The following XPR1 variants were observed in gnomAD, a reference collection of about 807,000 sequenced individuals.
The protein encoded by XPR1 is solute carrier family 53 member 1.
Under a neutral mutation model 87.5 loss-of-function variants are expected in XPR1, and 28 were observed. The observed-to-expected ratio is 0.32, with a 90% CI of 0.24 to 0.44. The LOEUF (loss-of-function observed/expected upper bound fraction) is 0.44. Ranked by LOEUF, XPR1 falls within the 20% of genes least tolerant of loss-of-function variation. The pLI is 1.00. For synonymous variants in XPR1, 300 were observed against 306.1 expected (o/e 0.98, Z 0.21); for missense variants, 559 against 862.3 (o/e 0.65, Z 4.41).
chr1:180,632,156 G>C lies in XPR1; in HGVS notation c.-46G>C. ...AGTCGGAGTCGCTGTTGCCGCCGCC[G>C]CCTGTAGCTGCTGGACCCGAGTGGG... is the stretch of plus-strand genomic sequence containing the variant. On this transcript the variant is annotated 5_prime_UTR_variant, in exon 1 of 15. Coordinates refer to ENST00000367590, the MANE Select transcript of XPR1 (RefSeq NM_004736.4). 4.4e-6 allele frequency: 7 copies of C among 1,580,268 alleles called. No individual in the cohort carries two copies. The highest frequency in any genetic ancestry group is 6.0e-6 in the Non-Finnish European group (7 of 1,163,764).
chr1:180,676,909 G>C (rs1473693373), intron 1 of XPR1, among the ~76,000 whole-genome samples: 1 of 152,182 alleles, frequency 6.6e-6, no homozygotes, highest in African/African-American at 2.4e-5. Flanking sequence ...TTCCCATAAG[G>C]TTAATCTGTG....
chr1:180,693,143 G>T (rs1250226920), intron 2 of XPR1, among the ~76,000 whole-genome samples: 1 of 152,194 alleles, frequency 6.6e-6, no homozygotes, highest in Admixed American at 6.5e-5. Context: ...ACCAGCAGAT[G>T]AATCTGATGA....
intron 1 of XPR1, among the ~76,000 whole-genome samples, chr1:180,675,809 G>A (rs1189315310): frequency 2.0e-5 from 3 of 152,132 alleles, no homozygotes; most frequent in Non-Finnish European, 2.9e-5. Flanking sequence ...CAGTCCATAG[G>A]TAATAATATA....
chr1:180,795,647 T>G (rs1649541818), intron 3 of XPR1, among the ~76,000 whole-genome samples: 1 of 152,142 alleles, frequency 6.6e-6, no homozygotes, highest in Non-Finnish European at 1.5e-5. Context: ...CCTAGAAGCA[T>G]CATGAAAGTA....
intron 1 of XPR1, among the ~76,000 whole-genome samples, chr1:180,676,335 A>G (rs1656368861): frequency 1.3e-5 from 2 of 152,178 alleles, no homozygotes; most frequent in Non-Finnish European, 2.9e-5. Flanking sequence ...ACACATTCCT[A>G]CTATACCCAA....
At chr1:180,819,321 A>G (rs1259640420) in intron 7 of XPR1, among the ~76,000 whole-genome samples, 1 of 152,206 alleles carries the variant, frequency 6.6e-6, no homozygotes, top group Non-Finnish European at 1.5e-5. Flanking sequence ...TCAGAAGAAT[A>G]TATCTTTAGC....
At chr1:180,881,264 C>T (rs1030474314) in intron 14 of XPR1, among the ~76,000 whole-genome samples, 4 of 151,924 alleles carry the variant, frequency 2.6e-5, no homozygotes, top group Non-Finnish European at 4.4e-5. Flanking sequence ...CCTGGGTTCA[C>T]GCCATTCTCC....
intron 2 of XPR1, among the ~76,000 whole-genome samples, chr1:180,708,990 T>C (rs1401622770): frequency 2.7e-5 from 4 of 149,128 alleles, no homozygotes; most frequent in Non-Finnish European, 5.9e-5. Context: ...TGGCTCACTG[T>C]AACCTCCATC....
intron 2 of XPR1, among the ~76,000 whole-genome samples, chr1:180,771,698 C>G (rs1399180158): frequency 6.6e-6 from 1 of 152,134 alleles, no homozygotes; most frequent in African/African-American, 2.4e-5. Context: ...AAGTTTATTT[C>G]TGCCTGATGT....
chr1:180,671,435 G>T (rs914779884), intron 1 of XPR1, among the ~76,000 whole-genome samples: 13 of 152,164 alleles, frequency 8.5e-5, no homozygotes, highest in Admixed American at 5.2e-4. Flanking sequence ...TGGAAAGAAA[G>T]AAAACGTAAT....
chr1:180,746,017 A>G (rs72723010), intron 2 of XPR1, among the ~76,000 whole-genome samples: 8,110 of 152,312 alleles, frequency 0.053, 314 homozygotes, highest in Non-Finnish European at 0.078. Context: ...TCACAGAGGT[A>G]AAACCAAGGC....
At chr1:180,818,807 C>G (rs73042709) in intron 7 of XPR1, among the ~76,000 whole-genome samples, 2,555 of 152,224 alleles carry the variant, frequency 0.017, 80 homozygotes, top group African/African-American at 0.056. Flanking sequence ...AAGTTTGCTT[C>G]AGGGAGATCA....
intron 10 of XPR1, among the ~76,000 whole-genome samples, chr1:180,835,806 TGTG>T: frequency 6.6e-6 from 1 of 152,326 alleles, no homozygotes; most frequent in Admixed American, 6.5e-5. Context: ...TGTCTTGTGT[TGTG>T]GTGGTTTGGA....
intron 9 of XPR1, 122 bp downstream of exon 9, chr1:180,825,466 T>C (rs1650795822): frequency 9.7e-7 from 1 of 1,033,762 alleles, no homozygotes; most frequent in African/African-American, 1.6e-5. Flanking sequence ...TTATAGTTTA[T>C]GTGAGTGGAG....
rs539993861 is a variant in XPR1, at chr1:180,671,880, G to A, written c.70-10480G>A. On this transcript the variant is annotated intron_variant, in intron 1 of 14. Coordinates refer to ENST00000367590, the MANE Select transcript of XPR1 (RefSeq NM_004736.4). ...TGGGATTACAGGTGTGAGCCACCGC[G>A]TCTAGCCAATATATTCTTAAATATT... Among the ~76,000 whole-genome samples, 32 of 152,252 alleles carry A rather than the reference G, an allele frequency of 2.1e-4. No homozygotes were observed. The South Asian group carries it at 3.7e-3, about 18-fold the overall frequency.
At chr1:180,703,006 G>T (rs953340439) in intron 2 of XPR1, among the ~76,000 whole-genome samples, 4 of 152,064 alleles carry the variant, frequency 2.6e-5, no homozygotes, top group Non-Finnish European at 5.9e-5. Flanking sequence ...TTTGATTCTG[G>T]GTAGGGCAGT....
chr1:180,720,645 A>C (rs1658149764), intron 2 of XPR1, among the ~76,000 whole-genome samples: 1 of 152,156 alleles, frequency 6.6e-6, no homozygotes, highest in Admixed American at 6.5e-5. Context: ...ACTTGTTATA[A>C]ATGCTAATTC....
At chr1:180,848,772 A>G (rs536696673) in intron 11 of XPR1, among the ~76,000 whole-genome samples, 1 of 152,288 alleles carries the variant, frequency 6.6e-6, no homozygotes, top group East Asian at 1.9e-4. Flanking sequence ...ATACTAGTTT[A>G]CATTCCCACC....
chr1:180,802,034 G>C (rs1163568168), intron 3 of XPR1, among the ~76,000 whole-genome samples: 1 of 151,798 alleles, frequency 6.6e-6, no homozygotes, highest in South Asian at 2.1e-4. Flanking sequence ...GACCTCAGGT[G>C]ATCCACCTGC....
Sources: allele counts gnomAD v4.1 joint callset (sites outside exome capture counted in the v4.1 genomes callset), GRCh38; gene constraint gnomAD v4.1.1; transcripts MANE v1.5; gene names NCBI Gene and HGNC (gene_info 2026-07-23, HGNC 2026-07-21).